The following GALNTL6 variants were observed in gnomAD, a reference collection of about 807,000 sequenced individuals.
GALNTL6 encodes the protein polypeptide N-acetylgalactosaminyltransferase like 6, also known as polypeptide N-acetylgalactosaminyltransferase-like 6.
Under a neutral mutation model 73.7 loss-of-function variants are expected in GALNTL6, and 46 were observed. The observed-to-expected ratio is 0.62, with a 90% confidence interval of 0.49 to 0.80. The LOEUF is 0.80. GALNTL6 is among the 30% of genes least tolerant of loss of function. The probability of loss-of-function intolerance (pLI) is 0.00; values close to 1 mark genes in which losing one functional copy is unlikely to be tolerated. For synonymous variants in GALNTL6, 259 were observed against 263.7 expected (o/e 0.98, Z 0.17); for missense variants, 604 against 755.0 (o/e 0.80, Z 2.34).
chr4:172,808,892 G>A (rs1741127241), intron 5 of GALNTL6, among the ~76,000 whole-genome samples: 1 of 152,104 alleles, frequency 6.6e-6, no homozygotes, highest in African/African-American at 2.4e-5. Context: ...AATCTGTTTG[G>A]TTCTTGTTGA....
intron 2 of GALNTL6, among the ~76,000 whole-genome samples, chr4:172,079,761 T>C (rs1472388656): frequency 2.0e-5 from 3 of 152,126 alleles, no homozygotes; most frequent in Non-Finnish European, 4.4e-5. Context: ...ACTGAAATAA[T>C]TACTAATTCT....
chr4:172,678,221 G>A (rs17308839), intron 5 of GALNTL6, among the ~76,000 whole-genome samples: 64,427 of 152,098 alleles, frequency 0.42, 15,900 homozygotes, highest in East Asian at 0.68. Flanking sequence ...ACCCTCTAGG[G>A]TTAGAAGATC....
At chr4:172,116,413 T>C (rs1732985243) in intron 2 of GALNTL6, among the ~76,000 whole-genome samples, 1 of 152,186 alleles carries the variant, frequency 6.6e-6, no homozygotes, top group Non-Finnish European at 1.5e-5. Context: ...GATTTTTAGA[T>C]GACTGTTATC....
At chr4:172,148,341 CATCT>C (rs1733981996) in intron 2 of GALNTL6, among the ~76,000 whole-genome samples, 1 of 152,086 alleles carries the variant, frequency 6.6e-6, no homozygotes, top group South Asian at 2.1e-4. Flanking sequence ...GTCTTTGCTC[CATCT>C]GTTTTCAAAA....
At chr4:172,277,485 A>G (rs916268636) in intron 3 of GALNTL6, among the ~76,000 whole-genome samples, 3 of 152,196 alleles carry the variant, frequency 2.0e-5, no homozygotes, top group Non-Finnish European at 4.4e-5. Flanking sequence ...CCAATAAATG[A>G]AAAACAAACC....
At chr4:172,843,420 G>A (rs1034464968) in intron 7 of GALNTL6, among the ~76,000 whole-genome samples, 1 of 152,176 alleles carries the variant, frequency 6.6e-6, no homozygotes, top group Non-Finnish European at 1.5e-5. Context: ...CACAAACCCT[G>A]GAAAGCGTTG....
intron 2 of GALNTL6, among the ~76,000 whole-genome samples, chr4:171,837,644 TTAA>T (rs1213910996): frequency 6.5e-4 from 96 of 147,136 alleles, no homozygotes; most frequent in African/African-American, 1.8e-3. Flanking sequence ...ATATAATATA[TTAA>T]TAATAAATTA....
intron 5 of GALNTL6, among the ~76,000 whole-genome samples, chr4:172,477,599 C>T (rs1191092184): frequency 6.6e-6 from 1 of 152,194 alleles, no homozygotes; most frequent in African/African-American, 2.4e-5. Context: ...GCTGTGCTCA[C>T]TCTCCCACCT....
At chr4:172,129,516 C>T (rs141691719) in intron 2 of GALNTL6, among the ~76,000 whole-genome samples, 11 of 152,182 alleles carry the variant, frequency 7.2e-5, no homozygotes, top group South Asian at 2.1e-4. Context: ...AAATGTTGGG[C>T]GTTTATTCCT....
At chr4:172,159,826 G>A (rs1199160907) in intron 2 of GALNTL6, among the ~76,000 whole-genome samples, 1 of 152,164 alleles carries the variant, frequency 6.6e-6, no homozygotes, top group Non-Finnish European at 1.5e-5. Flanking sequence ...TGTGTGCAAA[G>A]TAGATTGGAG....
chr4:172,623,742 C>T (rs1739052531), intron 5 of GALNTL6, among the ~76,000 whole-genome samples: 2 of 152,100 alleles, frequency 1.3e-5, no homozygotes, highest in South Asian at 4.1e-4. Context: ...CCAGTCTTGT[C>T]CATTCAGATA....
intron 2 of GALNTL6, among the ~76,000 whole-genome samples, chr4:171,839,820 G>A (rs959581059): frequency 4.6e-5 from 7 of 152,030 alleles, no homozygotes; most frequent in African/African-American, 1.4e-4. Context: ...GAAACTGCTC[G>A]TATCATGTCC....
chr4:171,834,275 A>G (rs1483349632), intron 2 of GALNTL6, among the ~76,000 whole-genome samples: 2 of 151,994 alleles, frequency 1.3e-5, no homozygotes, highest in African/African-American at 4.8e-5. Context: ...TAAGTTTCTC[A>G]TAAGTCAGAT....
intron 5 of GALNTL6, among the ~76,000 whole-genome samples, chr4:172,573,606 T>C (rs1274980874): frequency 6.6e-6 from 1 of 152,170 alleles, no homozygotes; most frequent in Non-Finnish European, 1.5e-5. Context: ...CTTCCTATTA[T>C]ACTTAGTCTT....
chr4:172,193,602 C>T (rs554151844), intron 2 of GALNTL6, among the ~76,000 whole-genome samples: 1 of 152,314 alleles, frequency 6.6e-6, no homozygotes, highest in South Asian at 2.1e-4. Context: ...GTGGCTCATG[C>T]CTGTAATCCC....
At chr4:172,392,597 T>C (rs1231391666) in intron 5 of GALNTL6, among the ~76,000 whole-genome samples, 8 of 151,866 alleles carry the variant, frequency 5.3e-5, no homozygotes, top group Non-Finnish European at 7.4e-5. Flanking sequence ...AAAGGAAGAG[T>C]TGCTCTGGCT....
At chr4:171,940,026 A>C (rs1039038556) in intron 2 of GALNTL6, among the ~76,000 whole-genome samples, 1 of 152,114 alleles carries the variant, frequency 6.6e-6, no homozygotes, top group Non-Finnish European at 1.5e-5. Context: ...AACTCACTGT[A>C]CGGTCTTCGA....
chr4:172,710,307 A>G (rs1734624158), intron 5 of GALNTL6, among the ~76,000 whole-genome samples: 1 of 152,172 alleles, frequency 6.6e-6, no homozygotes, highest in Non-Finnish European at 1.5e-5. Flanking sequence ...GAAAGCAAAG[A>G]TGTGTTAAAA....
At chr4:172,563,840 T>C (rs921448178) in intron 5 of GALNTL6, among the ~76,000 whole-genome samples, 1 of 152,230 alleles carries the variant, frequency 6.6e-6, no homozygotes, top group Non-Finnish European at 1.5e-5. Flanking sequence ...ATGGTTTTTT[T>C]AATTCACCTT....
Sources: gnomAD v4.1 joint callset for allele counts (sites outside exome capture counted in the v4.1 genomes callset) on GRCh38, gnomAD v4.1.1 for gene constraint, MANE v1.5 for transcripts, NCBI Gene and HGNC (gene_info 2026-07-23, HGNC 2026-07-21) for gene names.